Variants in NUTM2D observed in about 807,000 individuals in gnomAD.
The protein encoded by NUTM2D is NUT family member 2A pseudogene.
Under a neutral mutation model 43.5 loss-of-function variants are expected in NUTM2D, and 2 were observed. The ratio of observed to expected loss-of-function variants is 0.05; its 90% confidence interval spans 0.02 to 0.14. The LOEUF is 0.14. Among genes scored for constraint, NUTM2D ranks in the 10% least tolerant of loss-of-function variants. The pLI is 1.00. For missense variants in NUTM2D, 48 were observed against 668.7 expected (o/e 0.07, Z 10.24); for synonymous variants, 24 against 276.6 (o/e 0.09, Z 9.06).
At position 87,361,398 on chromosome 10, in the gene NUTM2D, G is replaced by A. The variant is rs1850262371; in HGVS notation, c.866+218G>A. Among the ~76,000 whole-genome samples, 2 of 53,296 alleles carry A rather than the reference G, an allele frequency of 3.8e-5. 1 individual carries two copies. The highest frequency in any genetic ancestry group is 4.9e-4 in the Admixed American group (2 of 4,092). The allele number at this position is 53,296 out of a possible 152,430, so 35.0% of individuals were successfully genotyped here. On this transcript the variant is annotated intron_variant, in intron 2 of 6. Coordinates refer to ENST00000381697, the MANE Select transcript of NUTM2D (RefSeq NM_001382304.1). ...TCAACTGCCCGTCACTGTCTCGTGA[G>A]TCCAGCCAATCCTTACTTTCAATAA...
chr10:87,365,674 TC>T lies in NUTM2D; in HGVS notation c.1519-13del. The stretch of plus-strand genomic sequence containing the variant: ...CCTGCCCAGGAAGCTCACGCCTTCT[TC>T]CTTCTGTTTCCAGGTGGAGGCCGTC... On this transcript the variant is annotated splice_polypyrimidine_tract_variant and intron_variant, in intron 5 of 6. Transcript: ENST00000381697. 1.8e-6 allele frequency: 1 copy of T among 559,630 alleles called. No homozygotes were observed. Among genetic ancestry groups the T allele is most frequent in the South Asian group, 2.1e-5 (1 of 48,476 alleles). The allele number at this position is 559,630 out of a possible 1,614,324, so 34.7% of individuals were successfully genotyped here.
chr10:87,358,560 CCCAA>C, intron 1 of NUTM2D, 129 bp downstream of exon 1: 1 of 1,516,844 alleles, frequency 6.6e-7, no homozygotes, highest in Non-Finnish European at 9.1e-7. Context: ...ACTGGATGTC[CCCAA>C]GGACATCACA....
At position 87,360,749 on chromosome 10, in the gene NUTM2D, TC is replaced by T. The variant is rs1850255162; in HGVS notation, c.436del (p.Gln146ArgfsTer7). 3.5e-6 allele frequency: 2 copies of T among 567,486 alleles called. 1 individual carries two copies. Among genetic ancestry groups the T allele is most frequent in the African/African-American group, 6.3e-5 (2 of 31,652 alleles). The allele number at this position is 567,486 out of a possible 1,614,324, so 35.2% of individuals were successfully genotyped here. A position where few individuals can be genotyped will look rare whatever the true frequency, so the allele number is the denominator to read the frequency against. On this transcript the variant is annotated frameshift_variant, in exon 2 of 7. Coordinates refer to ENST00000381697, the MANE Select transcript of NUTM2D (RefSeq NM_001382304.1). LOFTEE classifies it high-confidence loss of function. Reference sequence around the variant, plus strand: ...CAGAGGTGGGGCCTGTGAAGGCCGCTCAGGCGCAGACCTTGGTCTTAACTCA... The same window carrying T: ...CAGAGGTGGGGCCTGTGAAGGCCGCTAGGCGCAGACCTTGGTCTTAACTCA... ...RTEVGPVKAA[Q>X]AQTLVLTQTP...
chr10:87,369,536 T>C (rs1477334145), downstream of NUTM2D: 4 of 151,856 alleles, frequency 2.6e-5, no homozygotes. Flanking sequence ...TCATGACTGG[T>C]ATCTGGAAAC....
Position 87,365,241 on chromosome 10 carries a change from A to T in NUTM2D, c.1518+38A>T, listed in dbSNP as rs375468625. ...GGAGTGCTGGGGTCTGCTGGATTCC[A>T]GGGGGTGGCACTCCCAGGTCCTTGG... is the stretch of plus-strand genomic sequence containing the variant. On this transcript the variant is annotated intron_variant, in intron 5 of 6. Transcript: ENST00000381697. 352 of 1,485,892 alleles carry T rather than the reference A, an allele frequency of 2.4e-4. 3 individuals are homozygous for T. In the African/African-American group the frequency reaches 4.5e-3, roughly 19 times the overall value. The allele number at this position is 1,485,892 out of a possible 1,614,324, so 92.0% of individuals were successfully genotyped here.
Position 87,365,356 on chromosome 10 carries a change from G to T in NUTM2D, c.1518+153G>T, listed in dbSNP as rs540973356. Among the ~76,000 whole-genome samples the T allele has an allele frequency of 7.0e-3, 1,055 of 151,374 alleles. 18 individuals are homozygous for T. The highest frequency in any genetic ancestry group is 0.023 in the African/African-American group (952 of 41,196). On this transcript the variant is annotated intron_variant, in intron 5 of 6. Transcript: ENST00000381697. ...ATGTGATTGTGTGTGTCTGTGTGTT[G>T]CTGTGTGTTTGTGTCTGTGGTTTGT... is the stretch of plus-strand genomic sequence containing the variant.
At position 87,361,365 on chromosome 10, in the gene NUTM2D, G is replaced by A. The variant is rs1218876870; in HGVS notation, c.866+185G>A. Among the ~76,000 whole-genome samples, 7 of 53,082 alleles carry A rather than the reference G, an allele frequency of 1.3e-4. 3 individuals are homozygous for A. Among genetic ancestry groups the A allele is most frequent in the African/African-American group, 4.1e-4 (7 of 17,104 alleles). The allele number at this position is 53,082 out of a possible 152,430, so 34.8% of individuals were successfully genotyped here. ...TGCGGCTCAGGACAGACTGTCAGGG[G>A]CCTCATCTCAACTGCCCGTCACTGT... On this transcript the variant is annotated intron_variant, in intron 2 of 6. Coordinates refer to ENST00000381697, the MANE Select transcript of NUTM2D (RefSeq NM_001382304.1).
chr10:87,359,769 C>T (rs1850246529), intron 1 of NUTM2D, among the ~76,000 whole-genome samples: 1 of 144,146 alleles, frequency 6.9e-6, no homozygotes, highest in Non-Finnish European at 1.5e-5. Flanking sequence ...GACCTGCTCC[C>T]TGGGAACAGA....
At position 87,360,777 on chromosome 10, in the gene NUTM2D, A is replaced by G. The variant is rs184979059; in HGVS notation, c.463A>G (p.Thr155Ala). 5.5e-4 allele frequency: 313 copies of G among 565,090 alleles called. 147 individuals carry two copies. The highest frequency in any genetic ancestry group is 4.7e-3 in the Middle Eastern group (8 of 1,690). 35.0% of individuals were successfully genotyped at this position (565,090 alleles called of 1,614,324 possible). ...GGCGCAGACCTTGGTCTTAACTCAG[A>G]CCCCCCTCGTCTGGCAGGCTCCAGG... ...AQAQTLVLTQTPLVWQAPGAL... is the reference protein window; with the variant it reads ...AQAQTLVLTQAPLVWQAPGAL... The change falls in exon 2 of 7, where the codon ACC becomes GCC. Residue 155 changes from threonine to alanine, a missense_variant. By Grantham distance (58) the Thr-to-Ala change is moderately conservative (BLOSUM62 0). Coordinates refer to ENST00000381697, the MANE Select transcript of NUTM2D (RefSeq NM_001382304.1).
chr10:87,367,349 G>A, downstream of NUTM2D: 1 of 1,608,656 alleles, frequency 6.2e-7, no homozygotes, highest in Non-Finnish European at 8.5e-7. Context: ...CCCTTCAGAT[G>A]CTCCAGGGAC....
Position 87,360,812 on chromosome 10 carries a change from C to T in NUTM2D, c.498C>T (p.Cys166=), listed in dbSNP as rs3128228. ...TCTGGCAGGCTCCAGGCGCCCTCTG[C>T]GGAGGTGTTGTGTGTCCACCTCCCC... ...PLVWQAPGAL[C]GGVVCPPPLL... The change falls in exon 2 of 7, where the codon TGC becomes TGT. Residue 166 remains cysteine (C), a synonymous_variant. Coordinates refer to ENST00000381697, the MANE Select transcript of NUTM2D (RefSeq NM_001382304.1). 3.1e-6 allele frequency: 2 copies of T among 655,048 alleles called. 1 individual carries two copies. Among genetic ancestry groups the T allele is most frequent in the South Asian group, 5.3e-5 (2 of 37,506 alleles). The allele number at this position is 655,048 out of a possible 1,614,324, so 40.6% of individuals were successfully genotyped here.
chr10:87,369,776 C>G (rs1441973989), downstream of NUTM2D: 1 of 150,668 alleles, frequency 6.6e-6, no homozygotes, highest in Non-Finnish European at 1.5e-5. Flanking sequence ...CCTCCCTGCT[C>G]ACACACCCAG....
chr10:87,360,222 G>A (rs1418446169), intron 1 of NUTM2D, among the ~76,000 whole-genome samples: 1 of 64,224 alleles, frequency 1.6e-5, no homozygotes, highest in Non-Finnish European at 3.2e-5. Flanking sequence ...GACACCCGAG[G>A]GAGACCCTCG....
rs1850300145 is a variant in NUTM2D at position 87,366,377 on chromosome 10, C to G, written c.1874C>G (p.Ser625Cys). 6.3e-7 allele frequency: 1 copy of G among 1,578,008 alleles called. No homozygotes were observed. Among genetic ancestry groups the G allele is most frequent in the South Asian group, 1.2e-5 (1 of 86,824 alleles). Reference sequence around the variant, plus strand: ...ACTGGCATGGCCAGGTCCAAAGACTCTGTTGTGCTTTTGGGATGTCAGGAT... The same window carrying G: ...ACTGGCATGGCCAGGTCCAAAGACTGTGTTGTGCTTTTGGGATGTCAGGAT... ...AHTGMARSKD[S>C]VVLLGCQDSP... The change falls in exon 7 of 7, where the codon TCT becomes TGT. Residue 625 changes from serine (S) to cysteine (C), a missense_variant. By Grantham distance (112) the Ser-to-Cys change is moderately radical. Transcript: ENST00000381697.
chr10:87,367,344 C>T, downstream of NUTM2D: 1 of 1,608,680 alleles, frequency 6.2e-7, no homozygotes, highest in African/African-American at 1.3e-5. Flanking sequence ...GGAGCCCCTT[C>T]AGATGCTCCA....
intron 5 of NUTM2D, among the ~76,000 whole-genome samples, chr10:87,365,424 T>C (rs1205493922): frequency 6.9e-6 from 1 of 145,080 alleles, no homozygotes; most frequent in African/African-American, 2.5e-5. Flanking sequence ...GAGTGTGGAG[T>C]GTGTACGTTA....
downstream of NUTM2D, chr10:87,367,224 G>C (rs1201711317): frequency 6.6e-6 from 8 of 1,213,130 alleles, no homozygotes; most frequent in East Asian, 1.5e-4. Flanking sequence ...CTCTGTCCTC[G>C]GTGCTGTGCT....
Position 87,366,483 on chromosome 10 carries a change from TG to T in NUTM2D, c.1981del (p.Ala661ProfsTer78). The T allele has an allele frequency of 4.6e-6, 4 of 873,874 alleles. No homozygotes were observed. Among genetic ancestry groups the T allele is most frequent in the Non-Finnish European group, 7.5e-6 (4 of 529,824 alleles). The allele number at this position is 873,874 out of a possible 1,614,324, so 54.1% of individuals were successfully genotyped here. ...PTCPGVGTKD[A>X]LDLPGGSPVR... ...CCTGCCCTGGCGTGGGTACCAAGGATGCCTTGGATCTCCCTGGAGGGTCTCC... is the reference window on the plus strand; with the variant it reads ...CCTGCCCTGGCGTGGGTACCAAGGATCCTTGGATCTCCCTGGAGGGTCTCC... On this transcript the variant is annotated frameshift_variant, in exon 7 of 7. Coordinates refer to ENST00000381697, the MANE Select transcript of NUTM2D (RefSeq NM_001382304.1). LOFTEE classifies it high-confidence loss of function.
chr10:87,370,449 A>G (rs1319878928), downstream of NUTM2D: 1 of 152,196 alleles, frequency 6.6e-6, no homozygotes, highest in Admixed American at 6.5e-5. Flanking sequence ...GTCTCTCCAT[A>G]TTCGAGCCAA....
Sources: gnomAD v4.1 joint callset for allele counts (sites outside exome capture counted in the v4.1 genomes callset) on GRCh38, gnomAD v4.1.1 for gene constraint, MANE v1.5 for transcripts, NCBI Gene and HGNC (gene_info 2026-07-23, HGNC 2026-07-21) for gene names.